Variants in ROBO2 observed in about 807,000 individuals in gnomAD.
ROBO2 encodes roundabout homolog 2.
In ROBO2, 53 loss-of-function variants were observed where a neutral mutation model predicts 160.8. The ratio of observed to expected loss-of-function variants is 0.33; its 90% confidence interval spans 0.26 to 0.41. The LOEUF is 0.41. Ranked by LOEUF, ROBO2 falls within the 10% of genes least tolerant of loss-of-function variation. The pLI is 1.00. For synonymous variants in ROBO2, 664 were observed against 611.7 expected (o/e 1.09, Z -1.26); for missense variants, 1,577 against 1,722.4 (o/e 0.92, Z 1.49).
intron 2 of ROBO2, among the ~76,000 whole-genome samples, chr3:77,365,514 G>A (rs1039352731): frequency 2.6e-5 from 4 of 152,092 alleles, no homozygotes; most frequent in Non-Finnish European, 4.4e-5. Context: ...CTTCAGAAGC[G>A]ATAGTATACC....
At chr3:76,628,501 C>G (rs1027150169) in intron 2 of ROBO2, among the ~76,000 whole-genome samples, 1 of 150,380 alleles carries the variant, frequency 6.6e-6, no homozygotes, top group African/African-American at 2.5e-5. Flanking sequence ...CTCCTGGGCT[C>G]AAAGAATCAC....
rs78497819 is a variant in ROBO2 at position 76,321,500 on chromosome 3, A to AAAC, written c.109+383920_109+383922dup. On this transcript the variant is annotated intron_variant, in intron 2 of 26. Transcript: ENST00000487694. Reference sequence around the variant, plus strand: ...CAACAGAGCGAGGCTCCATCTCAAAAAACAACAACAACAACAACAACAACT... The same window carrying AAAC: ...CAACAGAGCGAGGCTCCATCTCAAAAAACAACAACAACAACAACAACAACAACT... Among the ~76,000 whole-genome samples the AAAC allele has an allele frequency of 3.3e-3, 500 of 150,432 alleles. 1 individual carries two copies. The highest frequency in any genetic ancestry group is 0.012 in the African/African-American group (469 of 40,440).
chr3:76,768,155 A>G (rs530684686), intron 2 of ROBO2, among the ~76,000 whole-genome samples: 242 of 151,596 alleles, frequency 1.6e-3, no homozygotes, highest in Non-Finnish European at 3.0e-3. Context: ...GAGAATGTTT[A>G]TGTGTTTTTT....
chr3:75,925,006 A>G (rs760349879), intron 1 of ROBO2, among the ~76,000 whole-genome samples: 12 of 152,126 alleles, frequency 7.9e-5, no homozygotes, highest in Middle Eastern at 3.4e-3. Context: ...TTTTCTTCAG[A>G]TAGTTCTTCA....
intron 2 of ROBO2, among the ~76,000 whole-genome samples, chr3:76,214,378 G>T (rs1403501456): frequency 6.6e-6 from 1 of 152,186 alleles, no homozygotes; most frequent in African/African-American, 2.4e-5. Context: ...GCCTCACCCA[G>T]GAAGCACAAG....
At chr3:77,150,806 A>C (rs1273632118) in intron 2 of ROBO2, among the ~76,000 whole-genome samples, 1 of 152,064 alleles carries the variant, frequency 6.6e-6, no homozygotes, top group Non-Finnish European at 1.5e-5. Context: ...GTTGTGTATT[A>C]TAAAGCAAAG....
intron 2 of ROBO2, among the ~76,000 whole-genome samples, chr3:77,340,555 AATC>A (rs2066955075): frequency 6.6e-6 from 1 of 152,150 alleles, no homozygotes; most frequent in Admixed American, 6.6e-5. Context: ...ACATAAGACA[AATC>A]ATCATTTTCA....
chr3:76,228,887 T>C (rs1045780777), intron 2 of ROBO2, among the ~76,000 whole-genome samples: 3 of 152,132 alleles, frequency 2.0e-5, no homozygotes, highest in African/African-American at 4.8e-5. Flanking sequence ...TGGGACACAA[T>C]TGTCATCACA....
chr3:77,458,326 T>C (rs2081898301), intron 2 of ROBO2, among the ~76,000 whole-genome samples: 1 of 152,202 alleles, frequency 6.6e-6, no homozygotes, highest in African/African-American at 2.4e-5. Flanking sequence ...CTCTGAGAAG[T>C]TAACTGTCTC....
intron 24 of ROBO2, among the ~76,000 whole-genome samples, chr3:77,644,358 T>G (rs552743059): frequency 6.6e-6 from 1 of 152,318 alleles, no homozygotes; most frequent in East Asian, 1.9e-4. Context: ...AATTGGAGCC[T>G]CATTGAACTT....
intron 2 of ROBO2, among the ~76,000 whole-genome samples, chr3:76,270,723 AGAAG>A (rs949429991): frequency 5.9e-5 from 9 of 152,126 alleles, no homozygotes; most frequent in Admixed American, 4.6e-4. Context: ...ACAAAAAGAA[AGAAG>A]GAAGGGAGGG....
chr3:76,709,377 G>A (rs1313413665), intron 2 of ROBO2, among the ~76,000 whole-genome samples: 2 of 152,152 alleles, frequency 1.3e-5, no homozygotes, highest in African/African-American at 4.8e-5. Flanking sequence ...AGATATCACA[G>A]CCACTTTCAC....
At chr3:77,245,906 C>A (rs924498666) in intron 2 of ROBO2, among the ~76,000 whole-genome samples, 1 of 152,082 alleles carries the variant, frequency 6.6e-6, no homozygotes, top group Non-Finnish European at 1.5e-5. Context: ...ATGTCTGAGG[C>A]ATAAAAATAA....
intron 2 of ROBO2, among the ~76,000 whole-genome samples, chr3:75,961,945 A>C (rs560849947): frequency 6.6e-6 from 1 of 151,582 alleles, no homozygotes; most frequent in African/African-American, 2.4e-5. Flanking sequence ...AGCAATCATT[A>C]ATCTAGGATG....
chr3:76,463,571 G>T (rs377364751), intron 2 of ROBO2, among the ~76,000 whole-genome samples: 7 of 151,838 alleles, frequency 4.6e-5, no homozygotes, highest in African/African-American at 1.7e-4. Context: ...CAGGAAATTT[G>T]AGCCCTTAGT....
intron 2 of ROBO2, among the ~76,000 whole-genome samples, chr3:76,848,354 A>T (rs961959386): frequency 6.6e-6 from 1 of 152,154 alleles, no homozygotes; most frequent in Non-Finnish European, 1.5e-5. Context: ...GATTTGTAGC[A>T]TTGTAACATG....
intron 2 of ROBO2, among the ~76,000 whole-genome samples, chr3:76,480,196 A>G (rs2079137737): frequency 6.6e-6 from 1 of 152,140 alleles, no homozygotes; most frequent in South Asian, 2.1e-4. Flanking sequence ...CTGAATATCT[A>G]ATTAAATGAT....
At chr3:76,061,354 G>A (rs1008979323) in intron 2 of ROBO2, among the ~76,000 whole-genome samples, 1 of 152,124 alleles carries the variant, frequency 6.6e-6, no homozygotes, top group South Asian at 2.1e-4. Flanking sequence ...TGAGCTCTCT[G>A]TGTTTAAGTA....
chr3:77,540,367 G>C (rs576680416), intron 6 of ROBO2, among the ~76,000 whole-genome samples: 1 of 152,024 alleles, frequency 6.6e-6, no homozygotes. Flanking sequence ...ATCTTGGTTC[G>C]AACGGAACCA....
Sources: gnomAD v4.1 joint callset for allele counts (sites outside exome capture counted in the v4.1 genomes callset) on GRCh38, gnomAD v4.1.1 for gene constraint, MANE v1.5 for transcripts, NCBI Gene and HGNC (gene_info 2026-07-23, HGNC 2026-07-21) for gene names.